SCARB1: variants seen among roughly 807,000 people sequenced by gnomAD.
The protein encoded by SCARB1 is scavenger receptor class B member 1.
A neutral mutation model predicts 57.2 loss-of-function variants in SCARB1; 30 were observed. The ratio of observed to expected loss-of-function variants is 0.52; its 90% CI spans 0.39 to 0.71. The LOEUF is 0.71. Among genes scored for constraint, SCARB1 ranks in the 30% least tolerant of loss-of-function variants. The probability of loss-of-function intolerance (pLI) is 0.00; values close to 1 mark genes in which losing one functional copy is unlikely to be tolerated. For synonymous variants in SCARB1, 249 were observed against 268.3 expected (o/e 0.93, Z 0.70); for missense variants, 543 against 671.2 (o/e 0.81, Z 2.11).
chr12:124,857,950 C>T (rs767830546), intron 1 of SCARB1, among the ~76,000 whole-genome samples: 67 of 152,210 alleles, frequency 4.4e-4, no homozygotes, highest in Non-Finnish European at 1.2e-4. Flanking sequence ...GGGGCCTCTC[C>T]CCACGTCCAC....
intron 1 of SCARB1, among the ~76,000 whole-genome samples, chr12:124,861,086 C>CT (rs1410638215): frequency 6.6e-6 from 1 of 151,846 alleles, no homozygotes. Flanking sequence ...TCCATTTGAA[C>CT]TTTTTTTTAC....
intron 1 of SCARB1, among the ~76,000 whole-genome samples, chr12:124,843,941 T>G (rs938198729): frequency 6.6e-6 from 1 of 152,122 alleles, no homozygotes; most frequent in African/African-American, 2.4e-5. Flanking sequence ...TCTCAGGTGC[T>G]GGAGAGGATG....
intron 9 of SCARB1, among the ~76,000 whole-genome samples, chr12:124,790,569 A>T (rs751367960): frequency 2.6e-5 from 4 of 152,182 alleles, no homozygotes; most frequent in Non-Finnish European, 5.9e-5. Flanking sequence ...GACTCCCAAC[A>T]CTGCAAGATA....
chr12:124,779,184 G>A (rs1197535289), intron 12 of SCARB1, among the ~76,000 whole-genome samples: 3 of 152,082 alleles, frequency 2.0e-5, no homozygotes, highest in Non-Finnish European at 4.4e-5. Flanking sequence ...CCTGGGCTCA[G>A]GCGATCCTCT....
rs376778216 is a variant in SCARB1 at position 124,814,376 on chromosome 12, G to A, written c.456C>T (p.Pro152=). The change falls in exon 4 of 13, where the codon CCC becomes CCT. Residue 152 remains proline, a synonymous_variant. Coordinates refer to ENST00000261693, the MANE Select transcript of SCARB1 (RefSeq NM_005505.5). The surrounding 1 kb of genome is among the most constrained non-coding windows in gnomAD (Gnocchi z 4.7). ...AGGTCATGATGAGCTTCAGGGTCATGGGCTTATTCTCCATCATCACCGCCG... is the reference window on the plus strand; with the variant it reads ...AGGTCATGATGAGCTTCAGGGTCATAGGCTTATTCTCCATCATCACCGCCG... The part of the protein sequence containing the change: ...LGAAVMMENK[P]MTLKLIMTLA... The A allele has an allele frequency of 5.6e-6, 9 of 1,613,814 alleles. No homozygotes were observed. In the Admixed American group the frequency reaches 1.2e-4, roughly 21 times the overall value.
At chr12:124,804,946 T>G (rs1318944135) in intron 7 of SCARB1, among the ~76,000 whole-genome samples, 2 of 152,172 alleles carry the variant, frequency 1.3e-5, no homozygotes, top group Non-Finnish European at 2.9e-5. Context: ...ACCATCCCTA[T>G]ATTCAAATAC....
At chr12:124,834,868 A>G (rs1417916465) in intron 1 of SCARB1, among the ~76,000 whole-genome samples, 1 of 152,064 alleles carries the variant, frequency 6.6e-6, no homozygotes, top group East Asian at 1.9e-4. Flanking sequence ...TGATTGCACC[A>G]CTACACTCCA....
At chr12:124,799,388 G>T (rs140189449) in intron 8 of SCARB1, among the ~76,000 whole-genome samples, 1 of 152,012 alleles carries the variant, frequency 6.6e-6, no homozygotes. Context: ...AGCCAGGCAT[G>T]GTGGTACATG....
Position 124,786,505 on chromosome 12 carries a change from T to G in SCARB1, c.1255-2A>C. 4 of 1,614,008 alleles carry G rather than the reference T, an allele frequency of 2.5e-6. No homozygotes were observed. The highest frequency in any genetic ancestry group is 3.4e-6 in the Non-Finnish European group (4 of 1,180,032). The stretch of plus-strand genomic sequence containing the variant: ...AGTCTCCCCCTCCATGGCCCCGCTC[T>G]GAGGAGACAGAATGACAAACACATG... On this transcript the variant is annotated splice_acceptor_variant, in intron 10 of 12. Transcript: ENST00000261693. LOFTEE classifies it high-confidence loss of function.
chr12:124,839,227 C>G (rs1239987411), intron 1 of SCARB1: 1 of 456,198 alleles, frequency 2.2e-6, no homozygotes, highest in Non-Finnish European at 4.4e-6. Context: ...CCCTCTCCCC[C>G]AGCCCCTGGC....
chr12:124,815,618 C>T (rs796701358), intron 2 of SCARB1, among the ~76,000 whole-genome samples: 5 of 152,310 alleles, frequency 3.3e-5, no homozygotes, highest in African/African-American at 1.2e-4. Flanking sequence ...GTAAACCCAG[C>T]ACTTTGGGAG....
chr12:124,782,038 TG>T (rs1475196727), intron 12 of SCARB1, among the ~76,000 whole-genome samples: 1 of 152,176 alleles, frequency 6.6e-6, no homozygotes, highest in Non-Finnish European at 1.5e-5. Flanking sequence ...CCTGAGTAGC[TG>T]GGATTACAAG....
Position 124,787,567 on chromosome 12 carries a change from T to C in SCARB1, c.1203-110A>G, listed in dbSNP as rs899056912. The stretch of plus-strand genomic sequence containing the variant: ...AGGTTTAGTATAATTTTGCACACAC[T>C]AAACCCTCACCACCAAATATAAACA... On this transcript the variant is annotated intron_variant, in intron 9 of 12. Coordinates refer to ENST00000261693, the MANE Select transcript of SCARB1 (RefSeq NM_005505.5). The C allele has an allele frequency of 4.4e-6, 4 of 906,808 alleles. No individual in the cohort carries two copies. In the Admixed American group the frequency reaches 6.0e-5, roughly 14 times the overall value. 56.2% of individuals were successfully genotyped at this position (906,808 alleles called of 1,614,324 possible).
At chr12:124,813,052 C>T (rs1950579655) in intron 4 of SCARB1, among the ~76,000 whole-genome samples, 1 of 152,088 alleles carries the variant, frequency 6.6e-6, no homozygotes, top group Non-Finnish European at 1.5e-5. Flanking sequence ...CAGTTACTAC[C>T]CAAAGCCCAA....
chr12:124,834,510 G>A (rs569365360), intron 1 of SCARB1, among the ~76,000 whole-genome samples: 41 of 152,346 alleles, frequency 2.7e-4, no homozygotes, highest in African/African-American at 8.9e-4. Context: ...CCTACAGAAC[G>A]ACTTTTGGTG....
Position 124,807,737 on chromosome 12 carries a change from C to T in SCARB1, c.1009+24G>A, listed in dbSNP as rs770409233. 1.1e-5 allele frequency: 18 copies of T among 1,613,636 alleles called. No homozygotes were observed. In the Admixed American group the frequency reaches 3.0e-4, roughly 27 times the overall value. ...CCCCACCCTCACACCCTCCCGCCAT[C>T]CCAGCACAGGGGACGGCACGTACTG... is the stretch of plus-strand genomic sequence containing the variant. On this transcript the variant is annotated intron_variant, in intron 7 of 12. Coordinates refer to ENST00000261693, the MANE Select transcript of SCARB1 (RefSeq NM_005505.5). This position sits in a 1 kb window ranked among gnomAD's most constrained non-coding sequence, Gnocchi z 5.3.
intron 6 of SCARB1, among the ~76,000 whole-genome samples, chr12:124,809,913 A>T (rs966456575): frequency 6.6e-6 from 1 of 152,096 alleles, no homozygotes; most frequent in Admixed American, 6.5e-5. Flanking sequence ...CTGTGACTTG[A>T]CATGTCCTGC....
intron 7 of SCARB1, among the ~76,000 whole-genome samples, chr12:124,806,019 G>C (rs1220180741): frequency 1.3e-5 from 2 of 152,116 alleles, no homozygotes; most frequent in Non-Finnish European, 2.9e-5. Flanking sequence ...TGCAACCAAG[G>C]AACTGCCTTT....
At chr12:124,786,046 C>T in intron 11 of SCARB1, 1 of 1,507,266 alleles carries the variant, frequency 6.6e-7, no homozygotes, top group Non-Finnish European at 8.9e-7. Flanking sequence ...ACCTGGCATC[C>T]CCGGGTGCTG....
Sources: allele counts gnomAD v4.1 joint callset (sites outside exome capture counted in the v4.1 genomes callset), GRCh38; gene constraint gnomAD v4.1.1; non-coding constraint Gnocchi (gnomAD v3.1); transcripts MANE v1.5; gene names NCBI Gene and HGNC (gene_info 2026-07-23, HGNC 2026-07-21).